The following LIN9 variants were observed in gnomAD, a reference collection of about 807,000 sequenced individuals.
The protein encoded by LIN9 is protein lin-9 homolog.
Under a neutral mutation model 78.0 loss-of-function variants are expected in LIN9, and 18 were observed. The ratio of observed to expected loss-of-function variants is 0.23; its 90% confidence interval spans 0.16 to 0.34. The LOEUF (loss-of-function observed/expected upper bound fraction) is 0.34, where lower values mean the gene tolerates loss of function less well. Among genes scored for constraint, LIN9 ranks in the 10% least tolerant of loss-of-function variants. The pLI is 1.00. For synonymous variants in LIN9, 192 were observed against 215.2 expected (o/e 0.89, Z 0.94); for missense variants, 451 against 644.1 (o/e 0.70, Z 3.25).
At chr1:226,293,869 G>A (rs1661950460) in intron 4 of LIN9, among the ~76,000 whole-genome samples, 1 of 152,106 alleles carries the variant, frequency 6.6e-6, no homozygotes, top group Non-Finnish European at 1.5e-5. Context: ...ACTTGTCCTT[G>A]ACAACTTTTT....
intron 11 of LIN9, among the ~76,000 whole-genome samples, chr1:226,243,716 AAG>A (rs1416228378): frequency 5.3e-5 from 8 of 150,438 alleles, no homozygotes; most frequent in African/African-American, 2.0e-4. Context: ...AAAAAAAAAA[AAG>A]GTCCCCTCCT....
intron 11 of LIN9, among the ~76,000 whole-genome samples, chr1:226,243,137 A>T (rs1405044924): frequency 6.6e-6 from 1 of 152,230 alleles, no homozygotes; most frequent in Non-Finnish European, 1.5e-5. Context: ...ATTTGACTAC[A>T]TCAAAATTTA....
intron 7 of LIN9, among the ~76,000 whole-genome samples, chr1:226,276,415 C>T (rs1660658392): frequency 6.6e-6 from 1 of 152,154 alleles, no homozygotes; most frequent in Admixed American, 6.5e-5. Flanking sequence ...AGTTTTAAGA[C>T]AGAGATCATA....
At chr1:226,257,170 G>A (rs1659259200) in intron 10 of LIN9, among the ~76,000 whole-genome samples, 1 of 151,490 alleles carries the variant, frequency 6.6e-6, no homozygotes, top group Admixed American at 6.6e-5. Context: ...GGCTGGTCTC[G>A]AACTCCTGAC....
Position 226,276,387 on chromosome 1 carries a change from C to T in LIN9, c.682+1388G>A, listed in dbSNP as rs369603176. On this transcript the variant is annotated intron_variant, in intron 7 of 14. Transcript: ENST00000681046. ...CTGTCTACCCATCTCATCCCATTTC[C>T]ACCTCTACTTCCAGACTAGTTTTAA... 1.1e-4 allele frequency among the ~76,000 whole-genome samples: 16 copies of T among 152,162 alleles called. No homozygotes were observed. The East Asian group carries it at 2.7e-3, about 26-fold the overall frequency.
chr1:226,240,050 C>A (rs1187643859), intron 11 of LIN9, among the ~76,000 whole-genome samples: 4 of 152,142 alleles, frequency 2.6e-5, no homozygotes, highest in African/African-American at 9.7e-5. Flanking sequence ...TTCCAAATCA[C>A]AGAATTATAG....
upstream of LIN9, chr1:226,309,700 C>T (rs1400591954): frequency 1.6e-6 from 2 of 1,287,462 alleles, no homozygotes; most frequent in Non-Finnish European, 2.0e-6. Context: ...CAGCAGCCCC[C>T]TGCGCGTCGC....
At chr1:226,238,302 A>G (rs1394562900) in intron 12 of LIN9, among the ~76,000 whole-genome samples, 1 of 152,186 alleles carries the variant, frequency 6.6e-6, no homozygotes, top group East Asian at 1.9e-4. Flanking sequence ...AAAACAAAAA[A>G]ACAACCAAAA....
intron 2 of LIN9, among the ~76,000 whole-genome samples, chr1:226,298,436 G>C (rs1426419255): frequency 6.6e-6 from 1 of 152,124 alleles, no homozygotes. Flanking sequence ...TCAAACTCCT[G>C]ACTTCAGGTG....
Position 226,274,903 on chromosome 1 carries a change from G to A in LIN9, c.682+2872C>T, listed in dbSNP as rs192786577. 1.1e-3 allele frequency among the ~76,000 whole-genome samples: 166 copies of A among 151,986 alleles called. 1 individual carries two copies. The highest frequency in any genetic ancestry group is 3.5e-3 in the African/African-American group (146 of 41,450). ...TATTTATATTTACATTTAAGTTCACGAACATGTCTTATGATAGCTATTTTG... is the reference window on the plus strand; with the variant it reads ...TATTTATATTTACATTTAAGTTCACAAACATGTCTTATGATAGCTATTTTG... On this transcript the variant is annotated intron_variant, in intron 7 of 14. Coordinates refer to ENST00000681046, the MANE Select transcript of LIN9 (RefSeq NM_001366245.2).
chr1:226,239,909 A>G (rs1333712786), intron 11 of LIN9, among the ~76,000 whole-genome samples: 1 of 152,242 alleles, frequency 6.6e-6, no homozygotes, highest in Non-Finnish European at 1.5e-5. Context: ...GGAAAATTTA[A>G]CATTTCTTTT....
chr1:226,298,658 C>T lies in LIN9; in HGVS notation c.65-845G>A, dbSNP rs149951537. 4.2e-3 allele frequency among the ~76,000 whole-genome samples: 632 copies of T among 152,230 alleles called. 26 individuals carry two copies. In the South Asian group the frequency reaches 0.076, roughly 18 times the overall value. ...GGTGGATCATTTGAGGCCATGAGTT[C>T]GAGACCAACCTGCCCAACATGGTGA... On this transcript the variant is annotated intron_variant, in intron 2 of 14. Transcript: ENST00000681046.
At chr1:226,296,277 T>C (rs1662141136) in intron 3 of LIN9, among the ~76,000 whole-genome samples, 2 of 152,230 alleles carry the variant, frequency 1.3e-5, no homozygotes, top group African/African-American at 2.4e-5. Context: ...AATTATGTTG[T>C]TGCTTGGGTT....
At chr1:226,252,281 AAAATAAATAAATAAAT>A (rs59130234) in intron 10 of LIN9, among the ~76,000 whole-genome samples, 3 of 140,884 alleles carry the variant, frequency 2.1e-5, no homozygotes, top group Admixed American at 7.3e-5. Context: ...ACCCCATCTC[AAAATAAATAAATAAAT>A]AAATAAATAA....
Position 226,287,410 on chromosome 1 carries a change from T to C in LIN9, c.398+254A>G, listed in dbSNP as rs571637964. The stretch of plus-strand genomic sequence containing the variant: ...TTTAAGGTATCTCTACTCCATAGTC[T>C]TTAAGAATTCTAACACAGAAATTAT... On this transcript the variant is annotated intron_variant, in intron 5 of 14. Coordinates refer to ENST00000681046, the MANE Select transcript of LIN9 (RefSeq NM_001366245.2). Among the ~76,000 whole-genome samples, 20 of 152,316 alleles carry C rather than the reference T, an allele frequency of 1.3e-4. No homozygotes were observed. In the East Asian group the frequency reaches 2.5e-3, roughly 19 times the overall value.
chr1:226,264,515 T>C (rs1659793547), intron 10 of LIN9, among the ~76,000 whole-genome samples: 1 of 152,118 alleles, frequency 6.6e-6, no homozygotes, highest in Non-Finnish European at 1.5e-5. Context: ...ACACTGTGAA[T>C]ATTTTCATGG....
chr1:226,283,122 GTTTAT>G (rs1661170734), intron 6 of LIN9, among the ~76,000 whole-genome samples: 1 of 151,782 alleles, frequency 6.6e-6, no homozygotes, highest in South Asian at 2.1e-4. Context: ...AACTGGCTAA[GTTTAT>G]TTTATTTACT....
At chr1:226,239,375 A>G (rs2102836970) in intron 11 of LIN9, among the ~76,000 whole-genome samples, 1 of 152,336 alleles carries the variant, frequency 6.6e-6, no homozygotes, top group East Asian at 1.9e-4. Context: ...ATAAATGTGT[A>G]AGCAATGTTC....
At chr1:226,273,126 T>C (rs1039994056) in intron 7 of LIN9, among the ~76,000 whole-genome samples, 1 of 152,020 alleles carries the variant, frequency 6.6e-6, no homozygotes, top group Non-Finnish European at 1.5e-5. Context: ...TTATAGTTCA[T>C]TGGCATTTAA....
Sources: allele counts gnomAD v4.1 joint callset (sites outside exome capture counted in the v4.1 genomes callset), GRCh38; gene constraint gnomAD v4.1.1; transcripts MANE v1.5; gene names NCBI Gene and HGNC (gene_info 2026-07-23, HGNC 2026-07-21).